Variants in IWS1 observed in about 807,000 individuals in gnomAD.
IWS1 encodes protein IWS1 homolog.
IWS1 carries 27 observed loss-of-function variants against 86.7 expected under a neutral mutation model. That is an observed-to-expected ratio of 0.31 (90% CI 0.23 to 0.43). The LOEUF (loss-of-function observed/expected upper bound fraction) is 0.43. Among genes scored for constraint, IWS1 ranks in the 20% least tolerant of loss-of-function variants. The pLI is 1.00. For missense variants in IWS1, 827 were observed against 1,000.8 expected (o/e 0.83, Z 2.34); for synonymous variants, 313 against 335.1 (o/e 0.93, Z 0.72).
chr2:127,526,815 A>G, upstream of IWS1: 3 of 657,660 alleles, frequency 4.6e-6, no homozygotes, highest in Non-Finnish European at 6.9e-6. Context: ...CTTTCCCGTC[A>G]GGCCCAGAGG....
At position 127,489,085 on chromosome 2, in the gene IWS1, G is replaced by C. The variant is rs189998124; in HGVS notation, c.2216+94C>G. On this transcript the variant is annotated intron_variant, in intron 12 of 13. Coordinates refer to ENST00000295321, the MANE Select transcript of IWS1 (RefSeq NM_017969.3). The surrounding 1 kb of genome is among the most constrained non-coding windows in gnomAD (Gnocchi z 4.8). ...AATGAAAGTCACCTCCCACAAATGA[G>C]AGCATAACATCATTTCATTTACTAC... 30 of 852,942 alleles carry C rather than the reference G, an allele frequency of 3.5e-5. No individual in the cohort carries two copies. The East Asian group carries it at 5.0e-4, about 14-fold the overall frequency. The allele number at this position is 852,942 out of a possible 1,614,324, so 52.8% of individuals were successfully genotyped here. A position where few individuals can be genotyped will look rare whatever the true frequency, so the allele number is the denominator to read the frequency against.
chr2:127,498,562 G>A (rs113726122), intron 5 of IWS1: 1,853 of 185,156 alleles, frequency 0.01, 33 homozygotes, highest in African/African-American at 0.04. Context: ...GCCAATCCAT[G>A]TCAGTATTAA....
Position 127,491,829 on chromosome 2 carries a change from G to GT in IWS1, c.2047+141dup. 8.0e-6 allele frequency: 5 copies of GT among 622,532 alleles called. 1 individual carries two copies. Among genetic ancestry groups the GT allele is most frequent in the Non-Finnish European group, 1.4e-5 (5 of 345,518 alleles). The allele number at this position is 622,532 out of a possible 1,614,324, so 38.6% of individuals were successfully genotyped here. On this transcript the variant is annotated intron_variant, in intron 10 of 13. Transcript: ENST00000295321. Reference sequence around the variant, plus strand: ...AGTCTAAGAGAAAATGCTAGTACCTGTAAGAAGTTATTCAAAAATTTCTAT... The same window carrying GT: ...AGTCTAAGAGAAAATGCTAGTACCTGTTAAGAAGTTATTCAAAAATTTCTAT...
Position 127,480,820 on chromosome 2 carries a change from T to G in IWS1, c.*224A>C. The stretch of plus-strand genomic sequence containing the variant: ...AGAGACAGCCCCCCAAAAACCAGAA[T>G]GAAATTTTATTGTGTAAAGTTTATA... On this transcript the variant is annotated 3_prime_UTR_variant, in exon 14 of 14. Transcript: ENST00000295321. 2.5e-6 allele frequency: 1 copy of G among 402,356 alleles called. No homozygotes were observed. Among genetic ancestry groups the G allele is most frequent in the African/African-American group, 2.1e-5 (1 of 48,364 alleles). 24.9% of individuals were successfully genotyped at this position (402,356 alleles called of 1,614,324 possible). A position where few individuals can be genotyped will look rare whatever the true frequency, so the allele number is the denominator to read the frequency against.
At chr2:127,508,673 A>C (rs181660713) in intron 2 of IWS1, among the ~76,000 whole-genome samples, 3 of 152,198 alleles carry the variant, frequency 2.0e-5, no homozygotes, top group Non-Finnish European at 4.4e-5. Flanking sequence ...GTACCAACGC[A>C]GCACAGAGAG....
At chr2:127,481,265 A>G (rs748403825) in intron 13 of IWS1, 90 bp from the exon 14 acceptor site, 3 of 1,228,282 alleles carry the variant, frequency 2.4e-6, no homozygotes, top group Admixed American at 6.1e-5. Flanking sequence ...GTTAGCAACC[A>G]GAAGAGCTTC....
intron 2 of IWS1, among the ~76,000 whole-genome samples, chr2:127,519,833 G>C (rs963433022): frequency 1.3e-5 from 2 of 152,214 alleles, no homozygotes; most frequent in Non-Finnish European, 2.9e-5. Context: ...GAGTAAGAGA[G>C]AGATATGATG....
intron 10 of IWS1, chr2:127,491,041 T>A (rs1341789934): frequency 6.6e-6 from 1 of 152,204 alleles, no homozygotes; most frequent in Non-Finnish European, 1.5e-5. Context: ...AACACGGGTT[T>A]CATTCGTAAA....
chr2:127,505,769 GA>G lies in IWS1; in HGVS notation c.151-18del, dbSNP rs1558759091. ...AGTTTCATTCTGAAAAATAAAGTGAGAAAAAATTAGGAAAGTGCAAAAAAAA... is the reference window on the plus strand; with the variant it reads ...AGTTTCATTCTGAAAAATAAAGTGAGAAAAATTAGGAAAGTGCAAAAAAAA... On this transcript the variant is annotated intron_variant, in intron 2 of 13. Coordinates refer to ENST00000295321, the MANE Select transcript of IWS1 (RefSeq NM_017969.3). This position sits in a 1 kb window ranked among gnomAD's most constrained non-coding sequence, Gnocchi z 5.0. 4.0e-6 allele frequency: 5 copies of G among 1,241,746 alleles called. No homozygotes were observed. The highest frequency in any genetic ancestry group is 5.3e-6 in the Non-Finnish European group (5 of 939,966). 76.9% of individuals were successfully genotyped at this position (1,241,746 alleles called of 1,614,324 possible).
chr2:127,512,783 G>A (rs760410613), intron 2 of IWS1, among the ~76,000 whole-genome samples: 25 of 152,102 alleles, frequency 1.6e-4, no homozygotes, highest in African/African-American at 3.1e-4. Flanking sequence ...TAGGTCTGCC[G>A]CACCCACATG....
At chr2:127,510,462 A>G (rs558349675) in intron 2 of IWS1, among the ~76,000 whole-genome samples, 3 of 152,206 alleles carry the variant, frequency 2.0e-5, no homozygotes, top group African/African-American at 7.2e-5. Context: ...AGAAAAAAAA[A>G]TTCTACACAA....
At position 127,486,577 on chromosome 2, in the gene IWS1, C is replaced by G; in HGVS notation, c.2304G>C (p.Trp768Cys). The stretch of plus-strand genomic sequence containing the variant: ...CCCTGGATGACTCCATTTCCACATT[C>G]CATTTGGGCCTGACAACATAGTCCT... The part of the protein sequence containing the change: ...SNKDYVVRPK[W>C]NVEMESSRFQ... The change falls in exon 13 of 14, where the codon TGG becomes TGC. Residue 768 changes from tryptophan (W) to cysteine (C), a missense_variant. Trp to Cys is a radical substitution (Grantham distance 215). Transcript: ENST00000295321. 6.2e-7 allele frequency: 1 copy of G among 1,613,968 alleles called. No individual in the cohort carries two copies. The highest frequency in any genetic ancestry group is 1.1e-5 in the South Asian group (1 of 91,076).
intron 5 of IWS1, among the ~76,000 whole-genome samples, chr2:127,498,492 A>G (rs1434012575): frequency 6.6e-6 from 1 of 152,180 alleles, no homozygotes; most frequent in Non-Finnish European, 1.5e-5. Context: ...GAAGCATACT[A>G]TTCAGAGTGG....
rs114428516 is a variant in IWS1, at chr2:127,507,932, T to C, written c.151-2180A>G. On this transcript the variant is annotated intron_variant, in intron 2 of 13. Transcript: ENST00000295321. ...AATGTGTAAAATTACCTTCCAGCTA[T>C]GTATATAAGACACATGAATTTCGTG... is the stretch of plus-strand genomic sequence containing the variant. Among the ~76,000 whole-genome samples the C allele has an allele frequency of 6.9e-3, 1,049 of 152,328 alleles. 14 individuals carry two copies. Among genetic ancestry groups the C allele is most frequent in the African/African-American group, 0.024 (1,007 of 41,570 alleles).
At chr2:127,503,172 G>A (rs936234909) in intron 4 of IWS1, among the ~76,000 whole-genome samples, 1 of 152,100 alleles carries the variant, frequency 6.6e-6, no homozygotes. Context: ...CATGTAAATG[G>A]AATCATATAT....
chr2:127,515,870 G>C (rs1691738351), intron 2 of IWS1, among the ~76,000 whole-genome samples: 1 of 152,148 alleles, frequency 6.6e-6, no homozygotes, highest in Admixed American at 6.5e-5. Flanking sequence ...TCCTTCCCAG[G>C]AAGAGCAGGG....
chr2:127,508,957 A>G (rs17015347), intron 2 of IWS1, among the ~76,000 whole-genome samples: 15,654 of 152,152 alleles, frequency 0.1, 1,190 homozygotes, highest in East Asian at 0.23. Flanking sequence ...GCATTCCAAA[A>G]CAAACCCTTA....
At chr2:127,486,331 T>C (rs1352075731) in intron 13 of IWS1, 1 of 410,108 alleles carries the variant, frequency 2.4e-6, no homozygotes, top group Non-Finnish European at 4.5e-6. Context: ...TAATGTTGAA[T>C]TAAGACTGAA....
At chr2:127,503,324 C>T in intron 4 of IWS1, 63 bp downstream of exon 4, 2 of 1,244,422 alleles carry the variant, frequency 1.6e-6, no homozygotes, top group Non-Finnish European at 2.3e-6. Context: ...TGTATTATAA[C>T]ACAGACCCCT....
Sources: allele counts gnomAD v4.1 joint callset (sites outside exome capture counted in the v4.1 genomes callset), GRCh38; gene constraint gnomAD v4.1.1; non-coding constraint Gnocchi (gnomAD v3.1); transcripts MANE v1.5; gene names NCBI Gene and HGNC (gene_info 2026-07-23, HGNC 2026-07-21).